Variants in CADM2 observed in about 807,000 individuals in gnomAD.
CADM2 encodes immunoglobulin superfamily member 4D.
A neutral mutation model predicts 49.8 loss-of-function variants in CADM2; 12 were observed. The ratio of observed to expected loss-of-function variants is 0.24; its 90% CI spans 0.15 to 0.39. The LOEUF (loss-of-function observed/expected upper bound fraction) is 0.39. CADM2 is among the 10% of genes least tolerant of loss of function. The probability of loss-of-function intolerance (pLI) is 1.00; values close to 1 mark genes in which losing one functional copy is unlikely to be tolerated. For synonymous variants in CADM2, 214 were observed against 175.4 expected (o/e 1.22, Z -1.74); for missense variants, 378 against 492.3 (o/e 0.77, Z 2.20).
At chr3:85,054,648 T>C (rs2036010422) in intron 1 of CADM2, among the ~76,000 whole-genome samples, 2 of 151,942 alleles carry the variant, frequency 1.3e-5, no homozygotes, top group Admixed American at 1.3e-4. Context: ...ATGCGATCTT[T>C]GTTCCTATGT....
chr3:85,915,090 G>A (rs779806144), intron 6 of CADM2, among the ~76,000 whole-genome samples: 4 of 151,970 alleles, frequency 2.6e-5, no homozygotes, highest in Admixed American at 2.0e-4. Context: ...GAATATTTTA[G>A]CCTATATGTC....
chr3:85,000,114 T>TTCTC (rs59094520), intron 1 of CADM2, among the ~76,000 whole-genome samples: 9,877 of 136,840 alleles, frequency 0.072, 576 homozygotes, highest in African/African-American at 0.16. Flanking sequence ...TGCTTCTACT[T>TTCTC]TCTCTCTCTC....
chr3:86,044,520 C>G (rs1736390553), intron 8 of CADM2, among the ~76,000 whole-genome samples: 1 of 152,180 alleles, frequency 6.6e-6, no homozygotes, highest in African/African-American at 2.4e-5. Flanking sequence ...GATACCATCT[C>G]ACACCAGTTA....
At chr3:85,340,329 C>A (rs943142826) in intron 1 of CADM2, among the ~76,000 whole-genome samples, 17 of 151,480 alleles carry the variant, frequency 1.1e-4, no homozygotes, top group African/African-American at 3.6e-4. Flanking sequence ...TTTATAAACA[C>A]ATACTGTTCT....
intron 2 of CADM2, among the ~76,000 whole-genome samples, chr3:85,771,415 TCTA>T (rs2070079439): frequency 6.6e-6 from 1 of 152,134 alleles, no homozygotes; most frequent in Admixed American, 6.6e-5. Context: ...TCAGTATTTT[TCTA>T]CTATTTGCAT....
chr3:85,058,886 ATAT>A (rs1419957838), intron 1 of CADM2, among the ~76,000 whole-genome samples: 1 of 151,944 alleles, frequency 6.6e-6, no homozygotes, highest in Non-Finnish European at 1.5e-5. Flanking sequence ...ACACAGAAAA[ATAT>A]TATGCAAAAC....
chr3:85,345,339 G>GAA (rs2030507228), intron 1 of CADM2, among the ~76,000 whole-genome samples: 1 of 116,620 alleles, frequency 8.6e-6, no homozygotes, highest in Non-Finnish European at 1.8e-5. Flanking sequence ...AAAAAAGAAA[G>GAA]AAAGAAAATG....
At chr3:85,730,519 T>A (rs2067887427) in intron 2 of CADM2, among the ~76,000 whole-genome samples, 1 of 152,060 alleles carries the variant, frequency 6.6e-6, no homozygotes, top group Non-Finnish European at 1.5e-5. Context: ...TGAAATAGTT[T>A]CTAACTTGTC....
intron 4 of CADM2, among the ~76,000 whole-genome samples, chr3:85,884,761 T>C (rs1193179487): frequency 1.3e-5 from 2 of 150,694 alleles, no homozygotes; most frequent in South Asian, 2.1e-4. Context: ...AGTCTCACTC[T>C]GTAGCCTGGC....
chr3:85,071,902 GGTT>G (rs1299619713), intron 1 of CADM2, among the ~76,000 whole-genome samples: 7 of 151,194 alleles, frequency 4.6e-5, no homozygotes, highest in Non-Finnish European at 7.4e-5. Context: ...AGGTCATTCT[GGTT>G]GTTATTTTTA....
In CADM2 at chr3:85,307,034, T is replaced by A. The variant is rs532830069; in HGVS notation, c.61+347366T>A. Among the ~76,000 whole-genome samples the A allele has an allele frequency of 5.1e-4, 78 of 151,790 alleles. No individual in the cohort carries two copies. In the Middle Eastern group the frequency reaches 0.014, roughly 26 times the overall value. On this transcript the variant is annotated intron_variant, in intron 1 of 9. Transcript: ENST00000383699. ...TGTTCTTGAACTTCTTATAAATGGA[T>A]GCATTATTGTGTGCGTGTTTTTAGT...
chr3:85,054,660 A>G (rs2036010843), intron 1 of CADM2, among the ~76,000 whole-genome samples: 1 of 151,918 alleles, frequency 6.6e-6, no homozygotes, highest in Admixed American at 6.6e-5. Context: ...TTCCTATGTC[A>G]TGTTTGGAAA....
At chr3:85,914,616 A>C (rs1228644807) in intron 6 of CADM2, among the ~76,000 whole-genome samples, 2 of 152,226 alleles carry the variant, frequency 1.3e-5, no homozygotes, top group Non-Finnish European at 2.9e-5. Flanking sequence ...TAAAACAATA[A>C]AAATCAGTCA....
chr3:86,013,521 T>C (rs1295217508), intron 8 of CADM2: 4 of 1,604,558 alleles, frequency 2.5e-6, no homozygotes, highest in Non-Finnish European at 3.4e-6. Context: ...AGTTAACACG[T>C]TGTTTTCTTC....
chr3:85,122,899 C>G (rs932803376), intron 1 of CADM2, among the ~76,000 whole-genome samples: 29 of 152,008 alleles, frequency 1.9e-4, no homozygotes, highest in Non-Finnish European at 3.5e-4. Context: ...GAAATTATTC[C>G]TCTCAGAAAA....
intron 1 of CADM2, among the ~76,000 whole-genome samples, chr3:85,720,800 A>G (rs67131634): frequency 0.11 from 17,407 of 152,168 alleles, 1,944 homozygotes; most frequent in African/African-American, 0.28. Context: ...GAGAAAAGGT[A>G]GGCAGTTATC....
intron 1 of CADM2, among the ~76,000 whole-genome samples, chr3:85,637,801 C>G (rs535981177): frequency 3.3e-5 from 5 of 151,994 alleles, no homozygotes; most frequent in Non-Finnish European, 5.9e-5. Flanking sequence ...AATGTCCCTA[C>G]CATTCAAGAC....
chr3:85,695,778 A>G (rs2066534151), intron 1 of CADM2, among the ~76,000 whole-genome samples: 1 of 152,112 alleles, frequency 6.6e-6, no homozygotes, highest in African/African-American at 2.4e-5. Flanking sequence ...GATACCCCGT[A>G]GTGGGATTTC....
intron 2 of CADM2, among the ~76,000 whole-genome samples, chr3:85,781,734 C>T (rs1321915058): frequency 1.3e-5 from 2 of 152,128 alleles, no homozygotes; most frequent in African/African-American, 2.4e-5. Flanking sequence ...TTTATAATGC[C>T]TCTGTCTCAG....
Sources: allele counts gnomAD v4.1 joint callset (sites outside exome capture counted in the v4.1 genomes callset), GRCh38; gene constraint gnomAD v4.1.1; transcripts MANE v1.5; gene names NCBI Gene and HGNC (gene_info 2026-07-23, HGNC 2026-07-21).